The following COX5B variants were observed in gnomAD, a reference collection of about 807,000 sequenced individuals.
COX5B encodes the protein cytochrome c oxidase subunit 5B.
In COX5B, 8 loss-of-function variants were observed where a neutral mutation model predicts 16.2. The observed-to-expected ratio is 0.49, with a 90% CI of 0.29 to 0.89. COX5B has a LOEUF of 0.89. Among genes scored for constraint, COX5B ranks in the 40% least tolerant of loss-of-function variants. COX5B has a pLI of 0.08. For synonymous variants in COX5B, 65 were observed against 67.6 expected (o/e 0.96, Z 0.19); for missense variants, 161 against 168.7 (o/e 0.95, Z 0.25).
intron 1 of COX5B, chr2:97,646,430 C>T (rs913596527): frequency 3.4e-5 from 17 of 494,402 alleles, no homozygotes; most frequent in South Asian, 2.8e-4. Flanking sequence ...TTGGGAGGGA[C>T]CGGGGCTGCC....
intron 1 of COX5B, 199 bp downstream of exon 1, chr2:97,646,388 G>T (rs942515446): frequency 7.1e-6 from 4 of 564,700 alleles, no homozygotes. Context: ...ACTCCGCTGC[G>T]AAAGTATCCT....
Position 97,647,137 on chromosome 2 carries a change from A to G in COX5B, c.174A>G (p.Gly58=). 6.2e-7 allele frequency: 1 copy of G among 1,613,936 alleles called. No homozygotes were observed. Reference sequence around the variant, plus strand: ...AGATCATGCTGGCTGCAAAGAAGGGACTGGTAAGGAGAAACTCCCTTCTGT... The same window carrying G: ...AGATCATGCTGGCTGCAAAGAAGGGGCTGGTAAGGAGAAACTCCCTTCTGT... ...EREIMLAAKK[G]LDPYNVLAPK... Residue 58 remains glycine (G), a synonymous_variant, in exon 2 of 4, where the codon GGA becomes GGG. Transcript: ENST00000258424.
At chr2:97,647,289 T>G in intron 2 of COX5B, 55 bp from the exon 3 acceptor site, 1 of 1,574,058 alleles carries the variant, frequency 6.4e-7, no homozygotes. Flanking sequence ...TTATTTGGCC[T>G]AATGGTTCAA....
Position 97,646,205 on chromosome 2 carries a change from G to A in COX5B, c.103+16G>A, listed in dbSNP as rs1160599079. On this transcript the variant is annotated intron_variant, in intron 1 of 3. Coordinates refer to ENST00000258424, the MANE Select transcript of COX5B (RefSeq NM_001862.3). The stretch of plus-strand genomic sequence containing the variant: ...GCATCTGGAGGTACTCGGGTCTCCG[G>A]GCGTGCCAGGGACCAGAGTGTTGCC... The A allele has an allele frequency of 1.3e-6, 2 of 1,516,132 alleles. No individual in the cohort carries two copies. The highest frequency in any genetic ancestry group is 1.8e-6 in the Non-Finnish European group (2 of 1,122,986). The allele number at this position is 1,516,132 out of a possible 1,614,324, so 93.9% of individuals were successfully genotyped here. A position where few individuals can be genotyped will look rare whatever the true frequency, so the allele number is the denominator to read the frequency against.
chr2:97,647,489 T>TA, intron 3 of COX5B, 46 bp downstream of exon 3: 1 of 1,486,842 alleles, frequency 6.7e-7, no homozygotes, highest in Non-Finnish European at 9.4e-7. Flanking sequence ...TAATATATCC[T>TA]ACAATAGTGT....
At chr2:97,647,699 C>A (rs946986936) in intron 3 of COX5B, among the ~76,000 whole-genome samples, 2 of 152,132 alleles carry the variant, frequency 1.3e-5, no homozygotes, top group Admixed American at 6.5e-5. Flanking sequence ...TGCTTCTATG[C>A]CAGGCATCAT....
intron 2 of COX5B, 48 bp from the exon 3 acceptor site, chr2:97,647,296 T>A (rs751128718): frequency 6.3e-7 from 1 of 1,584,088 alleles, no homozygotes; most frequent in Non-Finnish European, 8.6e-7. Context: ...GCCTAATGGT[T>A]CAATTCTTGT....
At position 97,648,181 on chromosome 2, in the gene COX5B, C is replaced by A; in HGVS notation, c.*73C>A. On this transcript the variant is annotated 3_prime_UTR_variant, in exon 4 of 4. Transcript: ENST00000258424. ...CAGTAAAGACTAGCCATTGCATTGG[C>A]TCCTTCTCCCATAGATGGCTGGTCT... 2 of 1,218,454 alleles carry A rather than the reference C, an allele frequency of 1.6e-6. No homozygotes were observed. The highest frequency in any genetic ancestry group is 2.3e-6 in the Non-Finnish European group (2 of 876,416). 75.5% of individuals were successfully genotyped at this position (1,218,454 alleles called of 1,614,324 possible). A position where few individuals can be genotyped will look rare whatever the true frequency, so the allele number is the denominator to read the frequency against.
chr2:97,646,236 A>C lies in COX5B; in HGVS notation c.103+47A>C, dbSNP rs536133795. On this transcript the variant is annotated intron_variant, in intron 1 of 3. Transcript: ENST00000258424. ...CCAGGGACCAGAGTGTTGCCCTCCC[A>C]GGGTGGTCCCAGGGCGGCAAAGCGG... The C allele has an allele frequency of 1.0e-5, 14 of 1,354,898 alleles. No individual in the cohort carries two copies. In the East Asian group the frequency reaches 3.3e-4, roughly 32 times the overall value. The allele number at this position is 1,354,898 out of a possible 1,614,324, so 83.9% of individuals were successfully genotyped here. A position where few individuals can be genotyped will look rare whatever the true frequency, so the allele number is the denominator to read the frequency against.
chr2:97,646,335 T>C (rs1674653547), intron 1 of COX5B, 146 bp downstream of exon 1: 1 of 586,358 alleles, frequency 1.7e-6, no homozygotes, highest in Non-Finnish European at 3.0e-6. Context: ...TGCAGGCATC[T>C]CCCTGTAATT....
chr2:97,647,378 C>T lies in COX5B; in HGVS notation c.212C>T (p.Ser71Leu), dbSNP rs760438185. Reference protein sequence around the residue: ...PYNVLAPKGASGTREDPNLVP... With the variant: ...PYNVLAPKGALGTREDPNLVP... ...AATGTACTGGCCCCAAAGGGAGCTT[C>T]AGGCACCAGGGAAGACCCTAATTTA... Residue 71 changes from serine to leucine, a missense_variant, in exon 3 of 4, where the codon TCA becomes TTA. Transcript: ENST00000258424. The T allele has an allele frequency of 2.5e-6, 4 of 1,614,130 alleles. No homozygotes were observed. The highest frequency in any genetic ancestry group is 3.4e-6 in the Non-Finnish European group (4 of 1,180,020).
Position 97,648,307 on chromosome 2 carries a change from C to T in COX5B, c.*199C>T, listed in dbSNP as rs756790743. On this transcript the variant is annotated 3_prime_UTR_variant, in exon 4 of 4. Transcript: ENST00000258424. The stretch of plus-strand genomic sequence containing the variant: ...CCATCCACTTACTGAAAGTGTATAA[C>T]CAGTGTATAGTGCTTAGATTAATAA... 40 of 572,006 alleles carry T rather than the reference C, an allele frequency of 7.0e-5. No individual in the cohort carries two copies. The highest frequency in any genetic ancestry group is 1.3e-4 in the African/African-American group (7 of 52,502). The allele number at this position is 572,006 out of a possible 1,614,324, so 35.4% of individuals were successfully genotyped here.
rs1243320447 is a variant in COX5B, at chr2:97,646,077, C to T, written c.-10C>T. 1.3e-6 allele frequency: 2 copies of T among 1,550,780 alleles called. No individual in the cohort carries two copies. Among genetic ancestry groups the T allele is most frequent in the Admixed American group, 2.0e-5 (1 of 51,216 alleles). On this transcript the variant is annotated 5_prime_UTR_variant, in exon 1 of 4. Transcript: ENST00000258424. ...TGTTCCCGGAAGTTTTGCTGCTAGTCGCGGACGCAATGGCTTCAAGGTTAC... is the reference window on the plus strand; with the variant it reads ...TGTTCCCGGAAGTTTTGCTGCTAGTTGCGGACGCAATGGCTTCAAGGTTAC...
rs1283749105 is a variant in COX5B, at chr2:97,646,158, C to T, written c.72C>T (p.Gly24=). 1 of 1,552,028 alleles carries T rather than the reference C, an allele frequency of 6.4e-7. No homozygotes were observed. The highest frequency in any genetic ancestry group is 2.0e-5 in the Admixed American group (1 of 51,174). Residue 24 remains glycine, a synonymous_variant, in exon 1 of 4, where the codon GGC becomes GGT. Transcript: ENST00000258424. ...AQALRARGPS[G]AAAMRSMASG... is the part of the protein sequence containing the mutation. Reference sequence around the variant, plus strand: ...CCCTGAGGGCTCGCGGCCCCAGTGGCGCGGCCGCGATGCGCTCCATGGCAT... The same window carrying T: ...CCCTGAGGGCTCGCGGCCCCAGTGGTGCGGCCGCGATGCGCTCCATGGCAT...
chr2:97,646,382 C>T (rs1674654616), intron 1 of COX5B, 193 bp downstream of exon 1: 2 of 565,060 alleles, frequency 3.5e-6, no homozygotes, highest in South Asian at 4.3e-5. Flanking sequence ...GAACTCACTC[C>T]GCTGCGAAAG....
intron 1 of COX5B, 38 bp downstream of exon 1, chr2:97,646,227 T>G (rs1351435384): frequency 7.0e-7 from 1 of 1,428,500 alleles, no homozygotes. Flanking sequence ...ACCAGAGTGT[T>G]GCCCTCCCAG....
Position 97,647,370 on chromosome 2 carries a change from G to C in COX5B, c.204G>C (p.Lys68Asn). The C allele has an allele frequency of 6.2e-7, 1 of 1,614,098 alleles. No homozygotes were observed. The highest frequency in any genetic ancestry group is 8.5e-7 in the Non-Finnish European group (1 of 1,179,998). Residue 68 changes from lysine (K) to asparagine (N), a missense_variant, in exon 3 of 4, where the codon AAG (lysine) becomes AAC (asparagine). Physicochemically the swap from Lys to Asn is moderately conservative, Grantham distance 94. Transcript: ENST00000258424. ...ACCCATACAATGTACTGGCCCCAAA[G>C]GGAGCTTCAGGCACCAGGGAAGACC... ...GLDPYNVLAP[K>N]GASGTREDPN...
chr2:97,648,094 C>G lies in COX5B; in HGVS notation c.376C>G (p.Gln126Glu). 6.2e-7 allele frequency: 1 copy of G among 1,605,152 alleles called. No individual in the cohort carries two copies. The highest frequency in any genetic ancestry group is 8.5e-7 in the Non-Finnish European group (1 of 1,176,618). ...AGCCCATTACAAGCTGGTGCCCCAG[C>G]AGCTGGCACACTGAGCACCTGCACT... Reference protein sequence around the residue: ...CGAHYKLVPQQLAH With the variant: ...CGAHYKLVPQELAH The change falls in exon 4 of 4, where the codon CAG becomes GAG. Residue 126 changes from glutamine (Q) to glutamate (E), a missense_variant. By Grantham distance (29) the Gln-to-Glu change is conservative (BLOSUM62 2). Coordinates refer to ENST00000258424, the MANE Select transcript of COX5B (RefSeq NM_001862.3).
At position 97,646,966 on chromosome 2, in the gene COX5B, A is replaced by T. The variant is rs1559284797; in HGVS notation, c.104-101A>T. On this transcript the variant is annotated intron_variant, in intron 1 of 3. Transcript: ENST00000258424. ...GGAGCTTGTGAGCCCGCTAAAACTT[A>T]TACAGAAGTTTCGGGGCACCATTTT... The T allele has an allele frequency of 4.1e-6, 5 of 1,214,866 alleles. No individual in the cohort carries two copies. The Admixed American group carries it at 7.6e-5, about 19-fold the overall frequency. The allele number at this position is 1,214,866 out of a possible 1,614,324, so 75.3% of individuals were successfully genotyped here.
Sources: gnomAD v4.1 joint callset for allele counts (sites outside exome capture counted in the v4.1 genomes callset) on GRCh38, gnomAD v4.1.1 for gene constraint, MANE v1.5 for transcripts, NCBI Gene and HGNC (gene_info 2026-07-23, HGNC 2026-07-21) for gene names.